The following LRRTM4 variants were observed in gnomAD, a reference collection of about 807,000 sequenced individuals.
The protein encoded by LRRTM4 is leucine rich repeat transmembrane neuronal 4.
In LRRTM4, 25 loss-of-function variants were observed where a neutral mutation model predicts 47.6. That is an observed-to-expected ratio of 0.53 (90% CI 0.38 to 0.73). LRRTM4 has a LOEUF of 0.73. Ranked by LOEUF, LRRTM4 falls within the 30% of genes least tolerant of loss-of-function variation. The pLI, the probability that LRRTM4 is intolerant of heterozygous loss-of-function variation, is 0.00. For missense variants in LRRTM4, 638 were observed against 713.4 expected, an observed-to-expected ratio of 0.89 and a Z score of 1.20; for synonymous variants, 311 against 269.5, an observed-to-expected ratio of 1.15 and a Z score of -1.51.
Position 76,913,543 on chromosome 2 carries a change from A to ATTTTTTTTTTTTTTTTTTT in LRRTM4, c.1552-164628_1552-164627insAAAAAAAAAAAAAAAAAAA, listed in dbSNP as rs58615415. Among the ~76,000 whole-genome samples, 591 of 121,332 alleles carry ATTTTTTTTTTTTTTTTTTT rather than the reference A, an allele frequency of 4.9e-3. 53 individuals are homozygous for ATTTTTTTTTTTTTTTTTTT. Among genetic ancestry groups the ATTTTTTTTTTTTTTTTTTT allele is most frequent in the African/African-American group, 0.017 (519 of 30,528 alleles). The allele number at this position is 121,332 out of a possible 152,430, so 79.6% of individuals were successfully genotyped here. ...CCAAATATTTAGAGATCCTATTTCAATTTTTTTTTTTTTTGAGACAGAGTC... is the reference window on the plus strand; with the variant it reads ...CCAAATATTTAGAGATCCTATTTCAATTTTTTTTTTTTTTTTTTTTTTTTTTTTTTTTTGAGACAGAGTC... On this transcript the variant is annotated intron_variant, in intron 3 of 3. Transcript: ENST00000409884.
intron 3 of LRRTM4, among the ~76,000 whole-genome samples, chr2:77,026,921 G>T (rs562110314): frequency 6.6e-6 from 1 of 152,118 alleles, no homozygotes; most frequent in South Asian, 2.1e-4. Context: ...TTATTTTGAA[G>T]GAAAATATAT....
At chr2:77,246,067 T>G (rs1486245697) in intron 3 of LRRTM4, among the ~76,000 whole-genome samples, 1 of 152,216 alleles carries the variant, frequency 6.6e-6, no homozygotes, top group East Asian at 1.9e-4. Context: ...CCAGTTTGAC[T>G]AGCCATCTTT....
intron 3 of LRRTM4, among the ~76,000 whole-genome samples, chr2:77,252,872 T>C (rs915724204): frequency 1.3e-5 from 2 of 152,166 alleles, no homozygotes; most frequent in Admixed American, 6.6e-5. Context: ...CTTGGAAAGA[T>C]TGCTTCTTCT....
intron 3 of LRRTM4, among the ~76,000 whole-genome samples, chr2:76,838,695 A>G (rs1346238180): frequency 1.4e-4 from 22 of 152,084 alleles, no homozygotes; most frequent in Non-Finnish European, 2.1e-4. Context: ...AATAACATCC[A>G]GAAACATGTA....
intron 3 of LRRTM4, chr2:77,517,695 C>CAAAA: frequency 6.7e-6 from 6 of 896,324 alleles, no homozygotes; most frequent in Non-Finnish European, 7.9e-6. Context: ...AAGAAGGAAA[C>CAAAA]AAAAAAAAAA....
intron 3 of LRRTM4, among the ~76,000 whole-genome samples, chr2:77,176,599 G>A: frequency 6.6e-6 from 1 of 152,170 alleles, no homozygotes; most frequent in East Asian, 1.9e-4. Context: ...GAGGGTGATG[G>A]CGTGAGGAAC....
chr2:77,327,169 T>G (rs1024333096), intron 3 of LRRTM4, among the ~76,000 whole-genome samples: 1 of 152,220 alleles, frequency 6.6e-6, no homozygotes, highest in South Asian at 2.1e-4. Context: ...TTATTTATAT[T>G]AAGCTACTTA....
intron 3 of LRRTM4, among the ~76,000 whole-genome samples, chr2:76,877,835 A>G (rs1042791422): frequency 6.6e-6 from 1 of 152,180 alleles, no homozygotes. Flanking sequence ...TTTAAAAGAC[A>G]TAGTGTATCA....
At chr2:77,476,557 A>C (rs1246931916) in intron 3 of LRRTM4, among the ~76,000 whole-genome samples, 2 of 152,154 alleles carry the variant, frequency 1.3e-5, no homozygotes, top group Non-Finnish European at 2.9e-5. Context: ...TATAATGAAA[A>C]GAGTAGAAAC....
intron 3 of LRRTM4, among the ~76,000 whole-genome samples, chr2:77,176,829 C>A (rs1673209729): frequency 6.6e-6 from 1 of 152,064 alleles, no homozygotes; most frequent in African/African-American, 2.4e-5. Flanking sequence ...ACTGGTGAAA[C>A]AGGATGAGGT....
chr2:77,054,180 C>G (rs563322087), intron 3 of LRRTM4, among the ~76,000 whole-genome samples: 35 of 152,240 alleles, frequency 2.3e-4, no homozygotes, highest in African/African-American at 7.7e-4. Flanking sequence ...GCCAGAGAGA[C>G]GGTGCCTTGG....
At chr2:77,311,639 A>C (rs1007947485) in intron 3 of LRRTM4, among the ~76,000 whole-genome samples, 7 of 152,204 alleles carry the variant, frequency 4.6e-5, no homozygotes, top group Non-Finnish European at 1.0e-4. Flanking sequence ...TGAATTGGTT[A>C]AATAAATAGC....
intron 3 of LRRTM4, among the ~76,000 whole-genome samples, chr2:77,308,926 A>G (rs1233102194): frequency 6.6e-6 from 1 of 152,160 alleles, no homozygotes; most frequent in Non-Finnish European, 1.5e-5. Context: ...AAACAACAAA[A>G]ACAAAAACAC....
intron 3 of LRRTM4, among the ~76,000 whole-genome samples, chr2:77,331,388 TG>T (rs757955622): frequency 5.3e-5 from 8 of 152,104 alleles, no homozygotes; most frequent in Non-Finnish European, 1.2e-4. Context: ...GCAGTGTTGC[TG>T]GGGTAGTGGG....
chr2:76,833,102 C>T (rs2103901876), intron 3 of LRRTM4, among the ~76,000 whole-genome samples: 1 of 152,144 alleles, frequency 6.6e-6, no homozygotes, highest in South Asian at 2.1e-4. Flanking sequence ...GCGTGAAATA[C>T]AAATCTGGAA....
intron 3 of LRRTM4, among the ~76,000 whole-genome samples, chr2:77,169,975 T>A (rs1202400142): frequency 6.6e-6 from 1 of 152,190 alleles, no homozygotes; most frequent in Non-Finnish European, 1.5e-5. Flanking sequence ...ACTTTGAACT[T>A]CTAGAAAATT....
intron 3 of LRRTM4, among the ~76,000 whole-genome samples, chr2:76,899,953 G>A (rs551745099): frequency 3.0e-4 from 46 of 152,088 alleles, no homozygotes; most frequent in African/African-American, 1.0e-3. Flanking sequence ...TAGACACCAG[G>A]TGCGGTGGCT....
chr2:77,154,618 A>G (rs1212981909), intron 3 of LRRTM4, among the ~76,000 whole-genome samples: 1 of 152,308 alleles, frequency 6.6e-6, no homozygotes, highest in South Asian at 2.1e-4. Flanking sequence ...CTAGATTCTC[A>G]GAATTTACGC....
At chr2:77,308,109 T>C (rs1481706573) in intron 3 of LRRTM4, among the ~76,000 whole-genome samples, 2 of 139,148 alleles carry the variant, frequency 1.4e-5, no homozygotes, top group East Asian at 2.1e-4. Flanking sequence ...GTATATGTTA[T>C]ATATTATTTA....
Sources: allele counts gnomAD v4.1 joint callset (sites outside exome capture counted in the v4.1 genomes callset), GRCh38; gene constraint gnomAD v4.1.1; transcripts MANE v1.5; gene names NCBI Gene and HGNC (gene_info 2026-07-23, HGNC 2026-07-21).